The following RASAL2 variants were observed in gnomAD, a reference collection of about 807,000 sequenced individuals.
RASAL2 encodes the protein RAS protein activator like 2, also known as ras GTPase-activating protein nGAP.
In RASAL2, 58 loss-of-function variants were observed where a neutral mutation model predicts 128.9. That is an observed-to-expected ratio of 0.45 (90% CI 0.36 to 0.56). RASAL2 has a LOEUF of 0.56. RASAL2 is among the 20% of genes least tolerant of loss of function. RASAL2 has a pLI of 0.00. For missense variants in RASAL2, 1,360 were observed against 1,601.6 expected, an observed-to-expected ratio of 0.85 and a Z score of 2.57; for synonymous variants, 561 against 580.8, an observed-to-expected ratio of 0.97 and a Z score of 0.49.
chr1:178,451,809 A>C, intron 10 of RASAL2, 94 bp downstream of exon 10: 1 of 1,437,630 alleles, frequency 7.0e-7, no homozygotes, highest in South Asian at 1.4e-5. Context: ...TCACAATGTT[A>C]ACAATTATTT....
chr1:178,345,241 T>C (rs1670090959), intron 3 of RASAL2, among the ~76,000 whole-genome samples: 1 of 152,208 alleles, frequency 6.6e-6, no homozygotes, highest in African/African-American at 2.4e-5. Flanking sequence ...AATGAGTTGC[T>C]GAAAAACACC....
chr1:178,136,934 A>T (rs1308214169), intron 1 of RASAL2, among the ~76,000 whole-genome samples: 1 of 152,118 alleles, frequency 6.6e-6, no homozygotes, highest in African/African-American at 2.4e-5. Context: ...TTGAGAACTA[A>T]TTGAAGGCTT....
intron 1 of RASAL2, among the ~76,000 whole-genome samples, chr1:178,147,688 C>A (rs1443254781): frequency 6.6e-6 from 1 of 152,134 alleles, no homozygotes; most frequent in Non-Finnish European, 1.5e-5. Context: ...AGGTTGTATA[C>A]ATATGTGCAA....
rs542798035 is a variant in RASAL2 at position 178,456,251 on chromosome 1, T to C, written c.2212-470T>C. Among the ~76,000 whole-genome samples, 4 of 152,324 alleles carry C rather than the reference T, an allele frequency of 2.6e-5. No homozygotes were observed. The South Asian group carries it at 6.2e-4, about 24-fold the overall frequency. ...GCACCTTCTTATATGTTGGCATGCA[T>C]TTCTTTTCTCACATGATCCCTTTTC... On this transcript the variant is annotated intron_variant, in intron 12 of 17. Transcript: ENST00000367649.
At chr1:178,110,733 C>T (rs1425582785) in intron 1 of RASAL2, among the ~76,000 whole-genome samples, 6 of 150,244 alleles carry the variant, frequency 4.0e-5, no homozygotes, top group African/African-American at 1.2e-4. Context: ...GATTAAGGCA[C>T]ACACTACTAT....
chr1:178,221,680 G>T (rs1456298055), intron 1 of RASAL2, among the ~76,000 whole-genome samples: 1 of 152,094 alleles, frequency 6.6e-6, no homozygotes, highest in African/African-American at 2.4e-5. Context: ...CCTAGAATGT[G>T]GCCTATCTTG....
At chr1:178,143,715 G>A (rs1289102126) in intron 1 of RASAL2, among the ~76,000 whole-genome samples, 2 of 151,448 alleles carry the variant, frequency 1.3e-5, no homozygotes, top group Admixed American at 6.6e-5. Context: ...GGAAGTGGGG[G>A]TGGTTAAAGG....
chr1:178,329,622 A>C (rs1264364536), intron 3 of RASAL2, among the ~76,000 whole-genome samples: 1 of 152,228 alleles, frequency 6.6e-6, no homozygotes, highest in Non-Finnish European at 1.5e-5. Flanking sequence ...TAAAATTCCA[A>C]GTGAACGTGA....
intron 1 of RASAL2, among the ~76,000 whole-genome samples, chr1:178,158,148 T>C (rs1032104732): frequency 1.1e-4 from 16 of 152,200 alleles, no homozygotes; most frequent in Admixed American, 9.2e-4. Context: ...TCTATTTAAC[T>C]CACAGCATGT....
chr1:178,182,848 G>A (rs1269184378), intron 1 of RASAL2, among the ~76,000 whole-genome samples: 5 of 151,858 alleles, frequency 3.3e-5, no homozygotes. Context: ...TCCATGGACT[G>A]GGGTGGGGGT....
At chr1:178,276,924 G>A (rs924632263) in intron 1 of RASAL2, among the ~76,000 whole-genome samples, 4 of 151,654 alleles carry the variant, frequency 2.6e-5, no homozygotes, top group Admixed American at 6.6e-5. Flanking sequence ...CGAGGCTGGC[G>A]GATCACAAGG....
chr1:178,409,297 C>T (rs542102766), intron 4 of RASAL2, among the ~76,000 whole-genome samples: 2 of 152,276 alleles, frequency 1.3e-5, no homozygotes, highest in African/African-American at 4.8e-5. Flanking sequence ...GCCCTGGGAA[C>T]ACAAAGCTTG....
chr1:178,452,194 T>C (rs1460344904), intron 10 of RASAL2, among the ~76,000 whole-genome samples: 5 of 152,166 alleles, frequency 3.3e-5, no homozygotes, highest in Admixed American at 6.5e-5. Flanking sequence ...TTTAAACTAA[T>C]CCAGAGTTCT....
intron 1 of RASAL2, among the ~76,000 whole-genome samples, chr1:178,276,828 T>TA (rs770027398): frequency 5.2e-4 from 79 of 152,060 alleles, no homozygotes; most frequent in African/African-American, 1.8e-3. Flanking sequence ...TATTGTTTAT[T>TA]AAAAAAATAA....
intron 13 of RASAL2, 23 bp downstream of exon 13, chr1:178,456,922 A>G: frequency 3.8e-6 from 6 of 1,598,286 alleles, no homozygotes; most frequent in Non-Finnish European, 5.1e-6. Context: ...GAATTTGACC[A>G]CTATCTCGGA....
intron 1 of RASAL2, among the ~76,000 whole-genome samples, chr1:178,204,359 T>C (rs1662971649): frequency 6.6e-6 from 1 of 152,148 alleles, no homozygotes; most frequent in Admixed American, 6.5e-5. Flanking sequence ...ATAGTTAATA[T>C]TGATGGTTAA....
intron 1 of RASAL2, among the ~76,000 whole-genome samples, chr1:178,187,010 G>A (rs1041503874): frequency 3.3e-5 from 5 of 151,732 alleles, no homozygotes; most frequent in African/African-American, 1.2e-4. Flanking sequence ...TTTATTTTTT[G>A]TGGAGAGAAG....
At chr1:178,260,537 A>T (rs1665646526) in intron 1 of RASAL2, among the ~76,000 whole-genome samples, 1 of 149,316 alleles carries the variant, frequency 6.7e-6, no homozygotes, top group African/African-American at 2.5e-5. Context: ...AGTTCTCATT[A>T]ACACTATTAG....
intron 1 of RASAL2, among the ~76,000 whole-genome samples, chr1:178,139,493 TAA>T (rs1251607563): frequency 1.3e-5 from 2 of 152,100 alleles, no homozygotes; most frequent in Non-Finnish European, 2.9e-5. Flanking sequence ...TTTGAATTTT[TAA>T]AAGTTACTCC....
Sources: gnomAD v4.1 joint callset for allele counts (sites outside exome capture counted in the v4.1 genomes callset) on GRCh38, gnomAD v4.1.1 for gene constraint, MANE v1.5 for transcripts, NCBI Gene and HGNC (gene_info 2026-07-23, HGNC 2026-07-21) for gene names.